The following CNTN5 variants were observed in gnomAD, a reference collection of about 807,000 sequenced individuals.
CNTN5 encodes the protein contactin-5.
CNTN5 carries 77 observed loss-of-function variants against 129.1 expected under a neutral mutation model. The ratio of observed to expected loss-of-function variants is 0.60; its 90% CI spans 0.50 to 0.72. The LOEUF (loss-of-function observed/expected upper bound fraction) is 0.72. Ranked by LOEUF, CNTN5 falls within the 30% of genes least tolerant of loss-of-function variation. The pLI is 0.00. For synonymous variants in CNTN5, 509 were observed against 465.6 expected, an observed-to-expected ratio of 1.09 and a Z score of -1.20; for missense variants, 1,478 against 1,328.8, an observed-to-expected ratio of 1.11 and a Z score of -1.75.
chr11:99,527,776 C>A (rs1210188301), intron 2 of CNTN5, among the ~76,000 whole-genome samples: 1 of 152,098 alleles, frequency 6.6e-6, no homozygotes, highest in Non-Finnish European at 1.5e-5. Flanking sequence ...TAAAAATACA[C>A]CTCACGAAGG....
rs560352833 is a variant in CNTN5 at position 99,482,294 on chromosome 11, C to T, written c.-70-73851C>T. Among the ~76,000 whole-genome samples the T allele has an allele frequency of 5.3e-4, 80 of 152,216 alleles. No homozygotes were observed. In the Middle Eastern group the frequency reaches 0.01, roughly 19 times the overall value. On this transcript the variant is annotated intron_variant, in intron 2 of 24. Coordinates refer to ENST00000524871, the MANE Select transcript of CNTN5 (RefSeq NM_014361.4). ...TTATTATTTTCCCATAGACAAGATACACATTTTTGAAAGCTGCAAAGAACA... is the reference window on the plus strand; with the variant it reads ...TTATTATTTTCCCATAGACAAGATATACATTTTTGAAAGCTGCAAAGAACA...
chr11:99,538,482 T>C (rs10790788), intron 2 of CNTN5, among the ~76,000 whole-genome samples: 37,765 of 152,062 alleles, frequency 0.25, 5,170 homozygotes, highest in Non-Finnish European at 0.31. Flanking sequence ...ACAAAGGCGT[T>C]ATTTTTACTG....
At chr11:99,817,760 C>A (rs1946641305) in intron 3 of CNTN5, among the ~76,000 whole-genome samples, 1 of 152,068 alleles carries the variant, frequency 6.6e-6, no homozygotes, top group Non-Finnish European at 1.5e-5. Context: ...CCTCTAGGTG[C>A]CAAAACTTGC....
At chr11:99,966,216 A>T (rs1951090069) in intron 8 of CNTN5, among the ~76,000 whole-genome samples, 1 of 152,236 alleles carries the variant, frequency 6.6e-6, no homozygotes, top group African/African-American at 2.4e-5. Context: ...ATGCAAAGGC[A>T]GTATTTTTCC....
At chr11:99,819,134 T>C (rs1032695922) in intron 3 of CNTN5, among the ~76,000 whole-genome samples, 1 of 151,648 alleles carries the variant, frequency 6.6e-6, no homozygotes, top group Non-Finnish European at 1.5e-5. Context: ...ATGGGTATTG[T>C]AATATTAAGG....
intron 1 of CNTN5, among the ~76,000 whole-genome samples, chr11:99,244,955 T>C (rs1461239252): frequency 2.6e-5 from 4 of 152,196 alleles, no homozygotes; most frequent in Non-Finnish European, 4.4e-5. Flanking sequence ...TTGATTGAAT[T>C]ATTAATTGTG....
chr11:99,867,916 G>A (rs1467031271), intron 6 of CNTN5, among the ~76,000 whole-genome samples: 1 of 152,062 alleles, frequency 6.6e-6, no homozygotes, highest in Non-Finnish European at 1.5e-5. Context: ...AAGGCAAGAA[G>A]TGTTCTACAT....
At chr11:99,147,379 G>A (rs1859841806) in intron 1 of CNTN5, among the ~76,000 whole-genome samples, 1 of 152,066 alleles carries the variant, frequency 6.6e-6, no homozygotes, top group Admixed American at 6.6e-5. Context: ...ATAAAAAGTG[G>A]TGTCATTAAG....
At chr11:99,126,953 C>A (rs1858666234) in intron 1 of CNTN5, among the ~76,000 whole-genome samples, 1 of 152,116 alleles carries the variant, frequency 6.6e-6, no homozygotes, top group African/African-American at 2.4e-5. Flanking sequence ...TCTGAGACTC[C>A]TGGTAGGAAG....
intron 1 of CNTN5, among the ~76,000 whole-genome samples, chr11:99,232,560 A>C (rs1861057578): frequency 6.6e-6 from 1 of 152,080 alleles, no homozygotes; most frequent in African/African-American, 2.4e-5. Context: ...GGTTTAGTTG[A>C]ATGGAGTTTT....
chr11:99,066,779 A>C (rs1403755058), intron 1 of CNTN5, among the ~76,000 whole-genome samples: 2 of 151,966 alleles, frequency 1.3e-5, no homozygotes. Context: ...TACACTTCCT[A>C]CTCACTGCCG....
intron 13 of CNTN5, among the ~76,000 whole-genome samples, chr11:100,157,763 A>G (rs1947305317): frequency 6.6e-6 from 1 of 151,862 alleles, no homozygotes; most frequent in South Asian, 2.1e-4. Context: ...AACACATGTT[A>G]TAGAATGGAT....
At chr11:100,096,644 C>T (rs1009627649) in intron 13 of CNTN5, among the ~76,000 whole-genome samples, 8 of 152,204 alleles carry the variant, frequency 5.3e-5, no homozygotes, top group Admixed American at 3.9e-4. Flanking sequence ...CTAACACTCT[C>T]ATCCTAGTGA....
At chr11:100,001,201 A>G (rs10466546) in intron 8 of CNTN5, among the ~76,000 whole-genome samples, 35,508 of 152,090 alleles carry the variant, frequency 0.23, 4,590 homozygotes, top group East Asian at 0.49. Flanking sequence ...ACTTACAATT[A>G]TGATGGAAGG....
intron 13 of CNTN5, among the ~76,000 whole-genome samples, chr11:100,181,358 G>GA (rs1394340781): frequency 5.9e-5 from 9 of 151,910 alleles, no homozygotes; most frequent in Non-Finnish European, 1.0e-4. Context: ...TTTTGAAATG[G>GA]AAAAATAATA....
At chr11:99,512,094 G>C (rs7951428) in intron 2 of CNTN5, among the ~76,000 whole-genome samples, 8,822 of 152,110 alleles carry the variant, frequency 0.058, 264 homozygotes, top group South Asian at 0.08. Context: ...ATGTCCTAGG[G>C]CTTCACATTC....
chr11:99,807,941 G>A (rs574407730), intron 3 of CNTN5, among the ~76,000 whole-genome samples: 41 of 152,164 alleles, frequency 2.7e-4, no homozygotes, highest in African/African-American at 9.4e-4. Flanking sequence ...AGGTACCACC[G>A]TTTTGGATCT....
intron 3 of CNTN5, among the ~76,000 whole-genome samples, chr11:99,760,923 T>C (rs1944557847): frequency 6.6e-6 from 1 of 152,116 alleles, no homozygotes; most frequent in Admixed American, 6.6e-5. Flanking sequence ...TTTTCTGTGT[T>C]GCAAATTTTC....
intron 9 of CNTN5, among the ~76,000 whole-genome samples, chr11:100,011,548 T>C (rs889982001): frequency 1.3e-5 from 2 of 152,150 alleles, no homozygotes; most frequent in South Asian, 2.1e-4. Flanking sequence ...GTTACTGTAA[T>C]AATTATGTGA....
Sources: allele counts gnomAD v4.1 joint callset (sites outside exome capture counted in the v4.1 genomes callset), GRCh38; gene constraint gnomAD v4.1.1; transcripts MANE v1.5; gene names NCBI Gene and HGNC (gene_info 2026-07-23, HGNC 2026-07-21).